The following KLHL26 variants were observed in gnomAD, a reference collection of about 807,000 sequenced individuals.
KLHL26 encodes kelch-like protein 26.
A neutral mutation model predicts 7.1 loss-of-function variants in KLHL26; 4 were observed. The observed-to-expected ratio is 0.56, with a 90% CI of 0.28 to 1.28. The LOEUF (loss-of-function observed/expected upper bound fraction) is 1.28. Ranked by LOEUF, KLHL26 falls within the 50% of genes most tolerant of loss-of-function variation. KLHL26 has a pLI of 0.11. For synonymous variants in KLHL26, 465 were observed against 414.1 expected (o/e 1.12, Z -1.49); for missense variants, 896 against 924.6 (o/e 0.97, Z 0.40).
intron 1 of KLHL26, among the ~76,000 whole-genome samples, chr19:18,658,406 C>G (rs903426655): frequency 6.6e-6 from 1 of 151,952 alleles, no homozygotes; most frequent in Non-Finnish European, 1.5e-5. Flanking sequence ...CTGTCACCCC[C>G]ACCCCTGCCA....
rs757037025 is a variant in KLHL26 at position 18,668,633 on chromosome 19, C to T, written c.1236C>T (p.Cys412=). ...TCCAGTTCCAGCTGAACGTGCTGTG[C>T]GGCATGGTGTACGCCACGGGCGGCC... ...SRIQFQLNVL[C]GMVYATGGRN... is the part of the protein sequence containing the mutation. Residue 412 remains cysteine (C), a synonymous_variant, in exon 3 of 3, where the codon TGC becomes TGT. Coordinates refer to ENST00000300976, the MANE Select transcript of KLHL26 (RefSeq NM_018316.3). The T allele has an allele frequency of 3.8e-6, 6 of 1,579,674 alleles. No homozygotes were observed. The highest frequency in any genetic ancestry group is 1.8e-5 in the Admixed American group (1 of 56,978).
chr19:18,658,479 G>GTCTCTCTGGATCTCTGTCTCCC (rs2052356480), intron 1 of KLHL26, among the ~76,000 whole-genome samples: 1 of 149,568 alleles, frequency 6.7e-6, no homozygotes, highest in Non-Finnish European at 1.5e-5. Context: ...TTCTCTCCTT[G>GTCTCTCTGGATCTCTGTCTCCC]TCTCTCTGGG....
rs775717557 is a variant in KLHL26, at chr19:18,668,123, G to A, written c.726G>A (p.Pro242=). The A allele has an allele frequency of 8.8e-6, 14 of 1,599,116 alleles. No homozygotes were observed. The highest frequency in any genetic ancestry group is 6.7e-5 in the East Asian group (3 of 44,764). The change falls in exon 3 of 3, where the codon CCG becomes CCA. Residue 242 remains proline (P), a synonymous_variant. Transcript: ENST00000300976. The part of the protein sequence containing the change: ...RWLQHDPARR[P]RASHVLCHIR... The stretch of plus-strand genomic sequence containing the variant: ...TGCAGCATGACCCGGCCCGGCGGCC[G>A]CGCGCCAGCCACGTGCTCTGCCACA...
chr19:18,662,325 A>C (rs1485692999), intron 1 of KLHL26, among the ~76,000 whole-genome samples: 2 of 152,216 alleles, frequency 1.3e-5, no homozygotes, highest in Non-Finnish European at 2.9e-5. Context: ...CAAAGTGTCC[A>C]CAGAAAGGCC....
Position 18,646,375 on chromosome 19 carries a change from G to A in KLHL26, c.83+9238G>A, listed in dbSNP as rs1976801293. ...GACCTCAGGTGATCCACCTGCCTTG[G>A]CCTCCCAAAGTGCTGGGATTACAGG... On this transcript the variant is annotated intron_variant, in intron 1 of 2. Coordinates refer to ENST00000300976, the MANE Select transcript of KLHL26 (RefSeq NM_018316.3). The surrounding 1 kb of genome is among the most constrained non-coding windows in gnomAD (Gnocchi z 5.0). 6.6e-6 allele frequency among the ~76,000 whole-genome samples: 1 copy of A among 152,142 alleles called. No homozygotes were observed.
rs2052498825 is a variant in KLHL26, at chr19:18,669,223, C to T, written c.1826C>T (p.Pro609Leu). 2 of 1,610,628 alleles carry T rather than the reference C, an allele frequency of 1.2e-6. No homozygotes were observed. Among genetic ancestry groups the T allele is most frequent in the Admixed American group, 1.7e-5 (1 of 59,948 alleles). ...AGIACAPVLL[P>L]RAGTRR ...ATAGCCTGCGCCCCCGTCCTGCTGC[C>T]CCGGGCCGGGACCAGGAGGTAGCCC... Residue 609 changes from proline (P) to leucine (L), a missense_variant, in exon 3 of 3, where the codon CCC becomes CTC. Physicochemically the swap from Pro to Leu is moderately conservative, Grantham distance 98. Coordinates refer to ENST00000300976, the MANE Select transcript of KLHL26 (RefSeq NM_018316.3).
Position 18,650,226 on chromosome 19 carries a change from T to C in KLHL26, c.83+13089T>C, listed in dbSNP as rs565117001. Among the ~76,000 whole-genome samples the C allele has an allele frequency of 1.3e-5, 2 of 152,070 alleles. No homozygotes were observed. Among genetic ancestry groups the C allele is most frequent in the Non-Finnish European group, 2.9e-5 (2 of 68,010 alleles). ...GGGCTGGATATCCGGAGAGTTCTGC[T>C]CTCCACGGGATGTTAGAATTTGAGG... On this transcript the variant is annotated intron_variant, in intron 1 of 2. Coordinates refer to ENST00000300976, the MANE Select transcript of KLHL26 (RefSeq NM_018316.3). The surrounding 1 kb of genome is among the most constrained non-coding windows in gnomAD (Gnocchi z 4.2).
At chr19:18,655,118 C>T (rs1375826235) in intron 1 of KLHL26, among the ~76,000 whole-genome samples, 6 of 152,082 alleles carry the variant, frequency 3.9e-5, no homozygotes, top group Non-Finnish European at 7.4e-5. Flanking sequence ...GAGCCGTAGA[C>T]CGAGGCTCTC....
intron 1 of KLHL26, among the ~76,000 whole-genome samples, chr19:18,651,116 C>T (rs888351616): frequency 3.3e-5 from 5 of 152,256 alleles, no homozygotes; most frequent in African/African-American, 9.6e-5. Context: ...AGGAGACACC[C>T]GGTTTTAGGT....
chr19:18,662,797 C>T (rs895294505), intron 1 of KLHL26, among the ~76,000 whole-genome samples: 1 of 152,010 alleles, frequency 6.6e-6, no homozygotes, highest in African/African-American at 2.4e-5. Context: ...AAAAAAGAGC[C>T]AAGGCTTGGC....
At position 18,649,432 on chromosome 19, in the gene KLHL26, C is replaced by T. The variant is rs1340116380; in HGVS notation, c.83+12295C>T. Among the ~76,000 whole-genome samples, 4 of 152,218 alleles carry T rather than the reference C, an allele frequency of 2.6e-5. No homozygotes were observed. The highest frequency in any genetic ancestry group is 9.6e-5 in the African/African-American group (4 of 41,452). ...GCCTCTTCCTCTTCACTTCATTGAACCAGCAGGGTGTGGGCGGAGAAGCAG... is the reference window on the plus strand; with the variant it reads ...GCCTCTTCCTCTTCACTTCATTGAATCAGCAGGGTGTGGGCGGAGAAGCAG... On this transcript the variant is annotated intron_variant, in intron 1 of 2. Coordinates refer to ENST00000300976, the MANE Select transcript of KLHL26 (RefSeq NM_018316.3). This position sits in a 1 kb window ranked among gnomAD's most constrained non-coding sequence, Gnocchi z 4.0.
rs2052241957 is a variant in KLHL26 at position 18,650,605 on chromosome 19, A to G, written c.83+13468A>G. On this transcript the variant is annotated intron_variant, in intron 1 of 2. Transcript: ENST00000300976. The surrounding 1 kb of genome is among the most constrained non-coding windows in gnomAD (Gnocchi z 4.2). ...GGGGGTCAGGAGCGCACAAATGTTT[A>G]TACTCCACGTGAGTCACTTGCACAG... 6.6e-6 allele frequency among the ~76,000 whole-genome samples: 1 copy of G among 152,040 alleles called. No individual in the cohort carries two copies. The highest frequency in any genetic ancestry group is 2.4e-5 in the African/African-American group (1 of 41,376).
chr19:18,649,159 C>T lies in KLHL26; in HGVS notation c.83+12022C>T, dbSNP rs1254882463. On this transcript the variant is annotated intron_variant, in intron 1 of 2. Transcript: ENST00000300976. The surrounding 1 kb of genome is among the most constrained non-coding windows in gnomAD (Gnocchi z 4.0). The stretch of plus-strand genomic sequence containing the variant: ...CTGTGTCCACCGTGGCGCCACTGCT[C>T]GCCCTGTCGTCATGGTACATTCTCT... 6.6e-6 allele frequency among the ~76,000 whole-genome samples: 1 copy of T among 152,188 alleles called. No individual in the cohort carries two copies. Among genetic ancestry groups the T allele is most frequent in the Non-Finnish European group, 1.5e-5 (1 of 68,038 alleles).
rs779714561 is a variant in KLHL26 at position 18,667,678 on chromosome 19, G to T, written c.281G>T (p.Gly94Val). ...CTGCCCTTCAGGGCCATGTTCACCG[G>T]CGGCATGCGGGAGGCAAGCCAGGAC... is the stretch of plus-strand genomic sequence containing the variant. Reference protein sequence around the residue: ...CSDYFRAMFTGGMREASQDVI... With the variant: ...CSDYFRAMFTVGMREASQDVI... The change falls in exon 3 of 3, where the codon GGC (glycine) becomes GTC (valine). Residue 94 changes from glycine to valine, a missense_variant. Transcript: ENST00000300976. 1.2e-6 allele frequency: 2 copies of T among 1,611,354 alleles called. No homozygotes were observed. Among genetic ancestry groups the T allele is most frequent in the Non-Finnish European group, 1.7e-6 (2 of 1,178,910 alleles).
Position 18,670,105 on chromosome 19 carries a change from T to C in KLHL26, c.*860T>C, listed in dbSNP as rs2052512122. 6.6e-6 allele frequency: 1 copy of C among 152,168 alleles called. No homozygotes were observed. Among genetic ancestry groups the C allele is most frequent in the African/African-American group, 2.4e-5 (1 of 41,438 alleles). The allele number at this position is 152,168 out of a possible 1,614,324, so 9.4% of individuals were successfully genotyped here. On this transcript the variant is annotated 3_prime_UTR_variant, in exon 3 of 3. Transcript: ENST00000300976. ...ATAGTGGCGCTTGCCGCAGGTCTGG[T>C]GGGGTGTCTTTTTTCTCCTCCCTCC...
intron 1 of KLHL26, among the ~76,000 whole-genome samples, chr19:18,639,870 C>T (rs6510994): frequency 0.1 from 15,585 of 152,020 alleles, 931 homozygotes; most frequent in African/African-American, 0.17. Context: ...TCTGCTTTCA[C>T]TCTCTGTAGC....
At chr19:18,667,069 A>G (rs1460468076) in intron 2 of KLHL26, among the ~76,000 whole-genome samples, 1 of 152,138 alleles carries the variant, frequency 6.6e-6, no homozygotes, top group Non-Finnish European at 1.5e-5. Flanking sequence ...GGGCAGGGGC[A>G]GGGTCCTCTG....
intron 1 of KLHL26, among the ~76,000 whole-genome samples, chr19:18,642,579 G>T (rs1417118384): frequency 6.6e-6 from 1 of 151,892 alleles, no homozygotes; most frequent in Non-Finnish European, 1.5e-5. Flanking sequence ...GGCCAGGCTG[G>T]TCTGGAACTC....
rs758930564 is a variant in KLHL26 at position 18,667,811 on chromosome 19, C to T, written c.414C>T (p.Gly138=). 4.3e-6 allele frequency: 7 copies of T among 1,613,266 alleles called. No individual in the cohort carries two copies. Among genetic ancestry groups the T allele is most frequent in the East Asian group, 2.2e-5 (1 of 44,898 alleles). Residue 138 remains glycine, a synonymous_variant, in exon 3 of 3, where the codon GGC becomes GGT. Transcript: ENST00000300976. The part of the protein sequence containing the change: ...LDLDCVQDVL[G]AAVFLQMLPV... ...TGGACTGCGTGCAGGACGTGCTGGG[C>T]GCGGCCGTGTTCTTGCAGATGCTGC...
Sources: allele counts gnomAD v4.1 joint callset (sites outside exome capture counted in the v4.1 genomes callset), GRCh38; gene constraint gnomAD v4.1.1; non-coding constraint Gnocchi (gnomAD v3.1); transcripts MANE v1.5; gene names NCBI Gene and HGNC (gene_info 2026-07-23, HGNC 2026-07-21).